PPFIA2: variants seen among roughly 807,000 people sequenced by gnomAD.
PPFIA2 encodes PPFI scaffold protein A2.
In PPFIA2, 46 loss-of-function variants were observed where a neutral mutation model predicts 175.5. The ratio of observed to expected loss-of-function variants is 0.26; its 90% CI spans 0.21 to 0.34. PPFIA2 has a LOEUF of 0.34. PPFIA2 is among the 10% of genes least tolerant of loss of function. PPFIA2 has a pLI of 1.00. For missense variants in PPFIA2, 1,179 were observed against 1,506.1 expected (o/e 0.78, Z 3.60); for synonymous variants, 568 against 511.4 (o/e 1.11, Z -1.49).
At chr12:81,504,211 T>C (rs1271907726) in intron 4 of PPFIA2, among the ~76,000 whole-genome samples, 3 of 151,978 alleles carry the variant, frequency 2.0e-5, no homozygotes, top group African/African-American at 7.2e-5. Flanking sequence ...GAACAGGCAA[T>C]CTATAGAATG....
intron 4 of PPFIA2, among the ~76,000 whole-genome samples, chr12:81,620,233 A>G (rs980503707): frequency 6.6e-6 from 1 of 151,844 alleles, no homozygotes; most frequent in African/African-American, 2.4e-5. Context: ...ATAAAAAATA[A>G]TTTAAAAAAT....
intron 4 of PPFIA2, among the ~76,000 whole-genome samples, chr12:81,545,140 G>A (rs2066792026): frequency 6.6e-6 from 1 of 151,674 alleles, no homozygotes; most frequent in South Asian, 2.1e-4. Context: ...CAAAAACTGA[G>A]ATACACATAT....
intron 3 of PPFIA2, among the ~76,000 whole-genome samples, chr12:81,693,801 G>A (rs2075555399): frequency 6.6e-6 from 1 of 152,108 alleles, no homozygotes; most frequent in South Asian, 2.1e-4. Flanking sequence ...TGGATGGTAA[G>A]GTCCAGGTGT....
At chr12:81,294,812 G>C in intron 24 of PPFIA2, 23 bp downstream of exon 24, 7 of 1,606,872 alleles carry the variant, frequency 4.4e-6, no homozygotes, top group Non-Finnish European at 6.0e-6. Flanking sequence ...ACTGAGGAAG[G>C]GGAGGAGCAG....
At chr12:81,686,239 T>A (rs2074403224) in intron 3 of PPFIA2, among the ~76,000 whole-genome samples, 2 of 152,214 alleles carry the variant, frequency 1.3e-5, no homozygotes, top group African/African-American at 4.8e-5. Context: ...AGGATGATTA[T>A]CCTTGATTGA....
intron 3 of PPFIA2, among the ~76,000 whole-genome samples, chr12:81,752,174 A>G (rs2083912193): frequency 6.6e-6 from 1 of 152,210 alleles, no homozygotes; most frequent in African/African-American, 2.4e-5. Flanking sequence ...CATTGAAGGT[A>G]TGTTGAACTT....
chr12:81,522,494 A>G lies in PPFIA2; in HGVS notation c.304-64628T>C, dbSNP rs550517734. Among the ~76,000 whole-genome samples, 574 of 152,354 alleles carry G rather than the reference A, an allele frequency of 3.8e-3. 3 individuals are homozygous for G. Among genetic ancestry groups the G allele is most frequent in the African/African-American group, 0.013 (538 of 41,580 alleles). Reference sequence around the variant, plus strand: ...AATACAAAAATTTGAATCAATCAGCACTACATCTCTGTAAGTATACAATAG... The same window carrying G: ...AATACAAAAATTTGAATCAATCAGCGCTACATCTCTGTAAGTATACAATAG... On this transcript the variant is annotated intron_variant, in intron 4 of 32. Coordinates refer to ENST00000549396, the MANE Select transcript of PPFIA2 (RefSeq NM_003625.5).
At chr12:81,347,806 T>C in intron 17 of PPFIA2, 36 bp from the exon 18 acceptor site, 1 of 1,601,540 alleles carries the variant, frequency 6.2e-7, no homozygotes, top group South Asian at 1.1e-5. Context: ...CCATATATAA[T>C]TTAATATGGA....
intron 28 of PPFIA2, among the ~76,000 whole-genome samples, chr12:81,271,549 A>T (rs2039111954): frequency 6.6e-6 from 1 of 152,196 alleles, no homozygotes; most frequent in Non-Finnish European, 1.5e-5. Context: ...GATTATAGGC[A>T]TGAGCCACCA....
chr12:81,353,306 T>A lies in PPFIA2; in HGVS notation c.1807A>T (p.Thr603Ser). ...CTGCTTAGTACTCCAATCTGTTGAG[T>A]TCTATTCCACTCGTGATCCCCAAGA... ...KSLGDHEWNR[T>S]QQIGVLSSHP... Residue 603 changes from threonine to serine, a missense_variant, in exon 17 of 33, where the codon ACT (threonine) becomes TCT (serine). Physicochemically the swap from Thr to Ser is moderately conservative, Grantham distance 58. This residue lies in a region of PPFIA2 where 186 missense variants were observed against 163.6 expected (regional missense o/e 1.14). Transcript: ENST00000549396. 6.2e-7 allele frequency: 1 copy of A among 1,613,572 alleles called. No homozygotes were observed. Among genetic ancestry groups the A allele is most frequent in the South Asian group, 1.1e-5 (1 of 91,074 alleles).
intron 3 of PPFIA2, among the ~76,000 whole-genome samples, chr12:81,742,881 G>A (rs1186173338): frequency 1.3e-5 from 2 of 152,126 alleles, no homozygotes; most frequent in African/African-American, 4.8e-5. Context: ...CAAGAAAGAA[G>A]GGGGATCCAC....
intron 4 of PPFIA2, among the ~76,000 whole-genome samples, chr12:81,663,233 A>T (rs1214712841): frequency 7.9e-5 from 12 of 152,182 alleles, no homozygotes; most frequent in Admixed American, 2.6e-4. Context: ...CAATTAGGAA[A>T]AGAGGAAGTC....
intron 3 of PPFIA2, among the ~76,000 whole-genome samples, chr12:81,691,957 C>T (rs1249628591): frequency 1.3e-5 from 2 of 151,996 alleles, no homozygotes; most frequent in Non-Finnish European, 2.9e-5. Context: ...CTTGTGTAAT[C>T]CCCCTCTCTT....
chr12:81,752,386 A>T (rs914081196), intron 3 of PPFIA2, among the ~76,000 whole-genome samples: 38 of 152,340 alleles, frequency 2.5e-4, no homozygotes, highest in Non-Finnish European at 4.1e-4. Flanking sequence ...AAATCACCTT[A>T]TGAAGAGCAA....
At chr12:81,673,332 G>A (rs1365781352) in intron 4 of PPFIA2, among the ~76,000 whole-genome samples, 2 of 152,060 alleles carry the variant, frequency 1.3e-5, no homozygotes, top group Admixed American at 6.6e-5. Flanking sequence ...TTGGCCATAG[G>A]TACCAGACAT....
chr12:81,300,545 G>T (rs1214675207), intron 22 of PPFIA2, among the ~76,000 whole-genome samples: 3 of 152,076 alleles, frequency 2.0e-5, no homozygotes, highest in Admixed American at 2.0e-4. Context: ...TAAAAAAGGT[G>T]CAAAATACAA....
chr12:81,439,829 C>T (rs2049836549), intron 7 of PPFIA2, 143 bp downstream of exon 7: 5 of 720,038 alleles, frequency 6.9e-6, no homozygotes, highest in Non-Finnish European at 1.1e-5. Flanking sequence ...ACTCCGGCAA[C>T]TAATTTCAAC....
intron 4 of PPFIA2, among the ~76,000 whole-genome samples, chr12:81,586,068 A>G (rs926849307): frequency 6.6e-6 from 1 of 151,980 alleles, no homozygotes; most frequent in Admixed American, 6.6e-5. Flanking sequence ...GTCATTGACC[A>G]CAATGTCATT....
intron 2 of PPFIA2, 93 bp from the exon 3 acceptor site, chr12:81,754,316 T>A (rs1230604462): frequency 6.9e-7 from 1 of 1,449,378 alleles, no homozygotes; most frequent in Non-Finnish European, 9.3e-7. Flanking sequence ...TTTCAGCTTA[T>A]TAGCCTATTT....
Sources: allele counts gnomAD v4.1 joint callset (sites outside exome capture counted in the v4.1 genomes callset), GRCh38; gene constraint gnomAD v4.1.1; regional missense constraint gnomAD v4.1.1; transcripts MANE v1.5; gene names NCBI Gene and HGNC (gene_info 2026-07-23, HGNC 2026-07-21).